CUBN: variants seen among roughly 807,000 people sequenced by gnomAD.
The protein encoded by CUBN is 460 kDa receptor.
In CUBN, 282 loss-of-function variants were observed where a neutral mutation model predicts 405.3. The observed-to-expected ratio is 0.70, with a 90% CI of 0.63 to 0.77. The LOEUF (loss-of-function observed/expected upper bound fraction) is 0.77, where lower values mean the gene tolerates loss of function less well. Ranked by LOEUF, CUBN falls within the 30% of genes least tolerant of loss-of-function variation. The probability of loss-of-function intolerance (pLI) is 0.00; values close to 1 mark genes in which losing one functional copy is unlikely to be tolerated. For missense variants in CUBN, 4,514 were observed against 4,475.2 expected, an observed-to-expected ratio of 1.01 and a Z score of -0.25; for synonymous variants, 1,684 against 1,617.0, an observed-to-expected ratio of 1.04 and a Z score of -0.99.
chr10:16,836,256 T>A lies in CUBN; in HGVS notation c.10159A>T (p.Ser3387Cys). 1 of 1,614,070 alleles carries A rather than the reference T, an allele frequency of 6.2e-7. No homozygotes were observed. Among genetic ancestry groups the A allele is most frequent in the Non-Finnish European group, 8.5e-7 (1 of 1,179,902 alleles). Residue 3387 changes from serine to cysteine, a missense_variant, in exon 63 of 67, where the codon AGT (serine) becomes TGT (cysteine). Transcript: ENST00000377833. ...TCACCTGCAATCTGATAGGTGAAAC[T>A]CATTCTAGAGTTTCTGTTTACAACT... Reference protein sequence around the residue: ...SGVVNRNSRMSFTYQIADCNR... With the variant: ...SGVVNRNSRMCFTYQIADCNR...
At chr10:17,126,661 T>G in intron 4 of CUBN, 100 bp downstream of exon 4, 2 of 1,305,146 alleles carry the variant, frequency 1.5e-6, no homozygotes, top group Non-Finnish European at 2.2e-6. Context: ...GTTTTTAATA[T>G]TAATCATCCA....
intron 17 of CUBN, among the ~76,000 whole-genome samples, chr10:17,082,094 T>C (rs915795930): frequency 5.9e-5 from 9 of 152,166 alleles, no homozygotes; most frequent in African/African-American, 1.7e-4. Context: ...AACTGATAAA[T>C]TCAAGGCTAG....
At chr10:16,965,047 G>A (rs998886797) in intron 31 of CUBN, among the ~76,000 whole-genome samples, 10 of 152,294 alleles carry the variant, frequency 6.6e-5, no homozygotes, top group Admixed American at 1.3e-4. Context: ...CGGCCAGACC[G>A]TTTGGGGAAC....
intron 15 of CUBN, among the ~76,000 whole-genome samples, chr10:17,086,484 T>C (rs1009082145): frequency 1.3e-5 from 2 of 152,184 alleles, no homozygotes; most frequent in Admixed American, 1.3e-4. Flanking sequence ...AGAGAGGAAG[T>C]GCCATCAGAT....
At chr10:16,993,245 G>T (rs897164965) in intron 28 of CUBN, among the ~76,000 whole-genome samples, 1 of 152,204 alleles carries the variant, frequency 6.6e-6, no homozygotes, top group Non-Finnish European at 1.5e-5. Context: ...TGATATAAAA[G>T]ATAAGAAGGA....
At chr10:16,826,844 G>T (rs1440752324) in intron 66 of CUBN, among the ~76,000 whole-genome samples, 1 of 152,020 alleles carries the variant, frequency 6.6e-6, no homozygotes, top group African/African-American at 2.4e-5. Flanking sequence ...ATCAAATGGG[G>T]TTGTATGTTT....
intron 12 of CUBN, among the ~76,000 whole-genome samples, chr10:17,103,891 T>C (rs1836557910): frequency 6.6e-6 from 1 of 152,148 alleles, no homozygotes; most frequent in South Asian, 2.1e-4. Flanking sequence ...TGGTGGTACA[T>C]GGGGTCCGGT....
chr10:16,952,739 C>CT (rs1045803586), intron 32 of CUBN, among the ~76,000 whole-genome samples: 1 of 152,150 alleles, frequency 6.6e-6, no homozygotes, highest in Non-Finnish European at 1.5e-5. Context: ...TAAATGACCT[C>CT]TTTTTTTCAG....
intron 46 of CUBN, 41 bp from the exon 47 acceptor site, chr10:16,915,213 T>G (rs1336744389): frequency 6.2e-7 from 1 of 1,611,806 alleles, no homozygotes; most frequent in South Asian, 1.1e-5. Flanking sequence ...TCCAAGTGAT[T>G]GATTTCCTTT....
chr10:17,007,903 C>T (rs1350435375), intron 28 of CUBN, among the ~76,000 whole-genome samples: 1 of 152,138 alleles, frequency 6.6e-6, no homozygotes, highest in Non-Finnish European at 1.5e-5. Context: ...TGCCTGTAAT[C>T]CCAGCATTTT....
intron 31 of CUBN, among the ~76,000 whole-genome samples, chr10:16,956,519 C>A (rs1843069143): frequency 6.6e-6 from 1 of 151,928 alleles, no homozygotes; most frequent in South Asian, 2.1e-4. Context: ...CACTACAAAA[C>A]CTCTTACTAC....
At position 17,100,200 on chromosome 10, in the gene CUBN, T is replaced by G; in HGVS notation, c.1570A>C (p.Met524Leu). 6.2e-7 allele frequency: 1 copy of G among 1,613,968 alleles called. No homozygotes were observed. Among genetic ancestry groups the G allele is most frequent in the Non-Finnish European group, 8.5e-7 (1 of 1,179,870 alleles). Residue 524 changes from methionine (M) to leucine (L), a missense_variant, in exon 14 of 67, where the codon ATG becomes CTG. Around this residue, in one of 5 missense-constraint regions of CUBN, gnomAD observed 1,448 missense variants for 1,388.0 expected, o/e 1.04. Coordinates refer to ENST00000377833, the MANE Select transcript of CUBN (RefSeq NM_001081.4). Reference protein sequence around the residue: ...ITFTFFRLESMDNCPHEFLQV... With the variant: ...ITFTFFRLESLDNCPHEFLQV... ...AGAAACTCGTGTGGACAGTTGTCCA[T>G]GGATTCTAACCGGAAAAAAGTGAAA...
At chr10:16,860,057 G>T (rs1237335414) in intron 59 of CUBN, among the ~76,000 whole-genome samples, 10 of 151,994 alleles carry the variant, frequency 6.6e-5, no homozygotes, top group Non-Finnish European at 1.3e-4. Context: ...GTCACAGGAT[G>T]TATAAATAAT....
At chr10:16,943,194 G>C (rs1052765281) in intron 36 of CUBN, among the ~76,000 whole-genome samples, 1 of 152,178 alleles carries the variant, frequency 6.6e-6, no homozygotes, top group Non-Finnish European at 1.5e-5. Flanking sequence ...TCTCAAGCCA[G>C]ATACTAGCAT....
intron 31 of CUBN, among the ~76,000 whole-genome samples, chr10:16,959,243 A>C (rs1843154149): frequency 6.6e-6 from 1 of 152,218 alleles, no homozygotes; most frequent in African/African-American, 2.4e-5. Flanking sequence ...TGAAATTTTG[A>C]AACCTCAGGC....
chr10:16,933,397 C>A (rs1842416934), intron 39 of CUBN, 113 bp from the exon 40 acceptor site: 2 of 896,406 alleles, frequency 2.2e-6, no homozygotes, highest in African/African-American at 1.7e-5. Context: ...CCAATTGAAA[C>A]AATTTCTCAG....
At chr10:16,832,362 TCA>T (rs757199291) in intron 64 of CUBN, among the ~76,000 whole-genome samples, 15 of 152,350 alleles carry the variant, frequency 9.8e-5, no homozygotes, top group Non-Finnish European at 1.9e-4. Flanking sequence ...GTATCTTAAG[TCA>T]CAAAGTTAAG....
intron 10 of CUBN, among the ~76,000 whole-genome samples, 191 bp downstream of exon 10, chr10:17,109,449 A>G (rs1403737225): frequency 6.6e-6 from 1 of 152,254 alleles, no homozygotes; most frequent in Non-Finnish European, 1.5e-5. Context: ...AAATCAGAGC[A>G]GACCATTAAA....
At chr10:17,095,144 A>G (rs1284845296) in intron 14 of CUBN, among the ~76,000 whole-genome samples, 2 of 152,068 alleles carry the variant, frequency 1.3e-5, no homozygotes, top group African/African-American at 4.8e-5. Flanking sequence ...TGGCAAGAAC[A>G]TACAACATGT....
Sources: allele counts gnomAD v4.1 joint callset (sites outside exome capture counted in the v4.1 genomes callset), GRCh38; gene constraint gnomAD v4.1.1; regional missense constraint gnomAD v4.1.1; transcripts MANE v1.5; gene names NCBI Gene and HGNC (gene_info 2026-07-23, HGNC 2026-07-21).